CAMSAP1: variants seen among roughly 807,000 people sequenced by gnomAD.
The protein encoded by CAMSAP1 is calmodulin regulated spectrin associated protein 1.
Under a neutral mutation model 143.5 loss-of-function variants are expected in CAMSAP1, and 58 were observed. That is an observed-to-expected ratio of 0.40 (90% CI 0.33 to 0.50). The LOEUF is 0.50. Among genes scored for constraint, CAMSAP1 ranks in the 20% least tolerant of loss-of-function variants. CAMSAP1 has a pLI of 0.45. For synonymous variants in CAMSAP1, 945 were observed against 859.3 expected, an observed-to-expected ratio of 1.10 and a Z score of -1.74; for missense variants, 1,969 against 2,115.7, an observed-to-expected ratio of 0.93 and a Z score of 1.36.
intron 7 of CAMSAP1, chr9:135,836,547 CT>C: frequency 1.0e-6 from 1 of 982,562 alleles, no homozygotes; most frequent in African/African-American, 1.8e-5. Flanking sequence ...CATGTACCTT[CT>C]ACCCCGTTCT....
chr9:135,837,770 C>T (rs988201024), intron 7 of CAMSAP1, among the ~76,000 whole-genome samples: 18 of 149,612 alleles, frequency 1.2e-4, no homozygotes, highest in African/African-American at 1.5e-4. Context: ...CACATCATCA[C>T]GCACTTTCTA....
chr9:135,843,329 A>T (rs1476190970), intron 7 of CAMSAP1, among the ~76,000 whole-genome samples: 1 of 152,170 alleles, frequency 6.6e-6, no homozygotes, highest in Non-Finnish European at 1.5e-5. Context: ...CTCCATCTCA[A>T]AATAAATAAA....
chr9:135,845,451 C>A (rs563907256), intron 7 of CAMSAP1, among the ~76,000 whole-genome samples: 1 of 152,120 alleles, frequency 6.6e-6, no homozygotes, highest in East Asian at 1.9e-4. Context: ...CTTTGAAAAC[C>A]GGTACAAGAC....
chr9:135,889,494 G>A (rs779064904), intron 1 of CAMSAP1, among the ~76,000 whole-genome samples: 26 of 152,216 alleles, frequency 1.7e-4, no homozygotes, highest in Admixed American at 1.4e-3. Flanking sequence ...AAGCCCGAAC[G>A]AAACAAAAAC....
chr9:135,818,642 T>C lies in CAMSAP1; in HGVS notation c.3960-26A>G, dbSNP rs557251064. On this transcript the variant is annotated intron_variant, in intron 12 of 16. Transcript: ENST00000389532. This position sits in a 1 kb window ranked among gnomAD's most constrained non-coding sequence, Gnocchi z 7.7. ...CTGAGAGAAACACACGCCCAGACAC[T>C]GCTCGGTCACGGGGCTTCTTCCACG... 3.4e-5 allele frequency: 54 copies of C among 1,605,912 alleles called. No homozygotes were observed. The highest frequency in any genetic ancestry group is 4.3e-5 in the Non-Finnish European group (51 of 1,175,092).
Position 135,809,814 on chromosome 9 carries a change from CTG to C in CAMSAP1, c.*1493_*1494del, listed in dbSNP as rs1210854619. On this transcript the variant is annotated 3_prime_UTR_variant, in exon 17 of 17. Coordinates refer to ENST00000389532, the MANE Select transcript of CAMSAP1 (RefSeq NM_015447.4). ...ACGATATATACAAAATCGCAAGAGA[CTG>C]TACTTCTCTTCAAAGGACTGAGGAA... The C allele has an allele frequency of 6.6e-6, 1 of 152,536 alleles. No homozygotes were observed. Among genetic ancestry groups the C allele is most frequent in the African/African-American group, 2.4e-5 (1 of 41,416 alleles). The allele number at this position is 152,536 out of a possible 1,614,324, so 9.4% of individuals were successfully genotyped here.
rs1340384913 is a variant in CAMSAP1 at position 135,881,597 on chromosome 9, G to A, written c.585+36C>T. 3 of 1,549,130 alleles carry A rather than the reference G, an allele frequency of 1.9e-6. No individual in the cohort carries two copies. The Admixed American group carries it at 5.9e-5, about 30-fold the overall frequency. ...AGTGAAAAGGAGACCGGCCACAGAA[G>A]CAGAGTCACACACCACATCTAGGCA... On this transcript the variant is annotated intron_variant, in intron 3 of 16. Transcript: ENST00000389532.
chr9:135,904,698 G>A (rs1838718210), intron 1 of CAMSAP1, among the ~76,000 whole-genome samples: 1 of 152,094 alleles, frequency 6.6e-6, no homozygotes, highest in South Asian at 2.1e-4. Flanking sequence ...GCCAGGCGTG[G>A]TGGCTCACAC....
chr9:135,869,067 T>C (rs1253022175), intron 3 of CAMSAP1, among the ~76,000 whole-genome samples: 1 of 152,094 alleles, frequency 6.6e-6, no homozygotes, highest in Non-Finnish European at 1.5e-5. Context: ...CCAGGAAGAA[T>C]GCAAGAACTA....
chr9:135,872,633 G>A (rs1007084354), intron 3 of CAMSAP1, among the ~76,000 whole-genome samples: 1 of 152,114 alleles, frequency 6.6e-6, no homozygotes, highest in African/African-American at 2.4e-5. Context: ...TAAAGAGAAA[G>A]ACAACAAGAG....
intron 8 of CAMSAP1, among the ~76,000 whole-genome samples, 173 bp downstream of exon 8, chr9:135,827,234 G>A (rs200482568): frequency 2.0e-5 from 3 of 152,160 alleles, no homozygotes; most frequent in African/African-American, 7.2e-5. Context: ...TATCATTCCC[G>A]GCCTCTGGAA....
chr9:135,844,761 A>G (rs1164496954), intron 7 of CAMSAP1, among the ~76,000 whole-genome samples: 1 of 152,264 alleles, frequency 6.6e-6, no homozygotes, highest in Non-Finnish European at 1.5e-5. Flanking sequence ...TAAAACTAGA[A>G]AATCTAGAAG....
chr9:135,846,369 A>C (rs1353055379), intron 7 of CAMSAP1, among the ~76,000 whole-genome samples: 3 of 152,194 alleles, frequency 2.0e-5, no homozygotes, highest in Non-Finnish European at 4.4e-5. Flanking sequence ...CTTATACAAA[A>C]ATTAACTCAA....
intron 3 of CAMSAP1, among the ~76,000 whole-genome samples, chr9:135,876,507 T>G (rs1837754973): frequency 6.6e-6 from 1 of 152,168 alleles, no homozygotes; most frequent in South Asian, 2.1e-4. Flanking sequence ...CAGTTACACA[T>G]CCACTCAAAT....
At chr9:135,877,823 A>G (rs1359606589) in intron 3 of CAMSAP1, among the ~76,000 whole-genome samples, 2 of 152,100 alleles carry the variant, frequency 1.3e-5, no homozygotes, top group Admixed American at 1.3e-4. Flanking sequence ...AAAAAACAAA[A>G]AGAGAGAAAG....
chr9:135,825,333 G>C (rs1835636916), intron 8 of CAMSAP1, among the ~76,000 whole-genome samples: 1 of 152,190 alleles, frequency 6.6e-6, no homozygotes, highest in South Asian at 2.1e-4. Flanking sequence ...AGATATTGAT[G>C]AGTAATTAAA....
At chr9:135,888,510 T>C (rs1838195599) in intron 1 of CAMSAP1, among the ~76,000 whole-genome samples, 1 of 152,144 alleles carries the variant, frequency 6.6e-6, no homozygotes, top group Non-Finnish European at 1.5e-5. Context: ...GCCACTGCAG[T>C]GCCAGGCACA....
In CAMSAP1 at chr9:135,818,012, G is replaced by A. The variant is rs142981108; in HGVS notation, c.4236C>T (p.Pro1412=). The change falls in exon 14 of 17, where the codon CCC becomes CCT. Residue 1412 remains proline (P), a synonymous_variant. Coordinates refer to ENST00000389532, the MANE Select transcript of CAMSAP1 (RefSeq NM_015447.4). This position sits in a 1 kb window ranked among gnomAD's most constrained non-coding sequence, Gnocchi z 7.7. Reference sequence around the variant, plus strand: ...GTGTGCCCCCGGAATGAACGCTCTCGGGTTCTGTCGTCGCCGCAGAGGCCA... The same window carrying A: ...GTGTGCCCCCGGAATGAACGCTCTCAGGTTCTGTCGTCGCCGCAGAGGCCA... ...LSLASAATTE[P]ESVHSGGTPS... 6.8e-6 allele frequency: 11 copies of A among 1,613,782 alleles called. No homozygotes were observed. The highest frequency in any genetic ancestry group is 2.2e-5 in the South Asian group (2 of 91,082).
intron 3 of CAMSAP1, among the ~76,000 whole-genome samples, chr9:135,871,168 T>C (rs1331732523): frequency 6.6e-6 from 1 of 152,210 alleles, no homozygotes; most frequent in Non-Finnish European, 1.5e-5. Context: ...TGCAAAATTG[T>C]AAAATAACTG....
Sources: gnomAD v4.1 joint callset for allele counts (sites outside exome capture counted in the v4.1 genomes callset) on GRCh38, gnomAD v4.1.1 for gene constraint, Gnocchi (gnomAD v3.1) non-coding constraint, MANE v1.5 for transcripts, NCBI Gene and HGNC (gene_info 2026-07-23, HGNC 2026-07-21) for gene names.